The following CPQ variants were observed in gnomAD, a reference collection of about 807,000 sequenced individuals.
CPQ encodes carboxypeptidase Q, also known as Ser-Met dipeptidase.
Under a neutral mutation model 45.7 loss-of-function variants are expected in CPQ, and 37 were observed. The ratio of observed to expected loss-of-function variants is 0.81; its 90% CI spans 0.62 to 1.07. The LOEUF (loss-of-function observed/expected upper bound fraction) is 1.07. CPQ is among the 50% of genes least tolerant of loss of function. The pLI, the probability that CPQ is intolerant of heterozygous loss-of-function variation, is 0.00. For missense variants in CPQ, 537 were observed against 572.9 expected (o/e 0.94, Z 0.64); for synonymous variants, 186 against 205.8 (o/e 0.90, Z 0.82).
At chr8:96,964,611 A>G (rs1813524059) in intron 4 of CPQ, among the ~76,000 whole-genome samples, 1 of 151,954 alleles carries the variant, frequency 6.6e-6, no homozygotes, top group Non-Finnish European at 1.5e-5. Flanking sequence ...TAGCTTTCCT[A>G]GTTTAAAAAA....
In CPQ at chr8:96,926,390, C is replaced by G. The variant is rs529698773; in HGVS notation, c.850-39545C>G. Among the ~76,000 whole-genome samples the G allele has an allele frequency of 4.6e-5, 7 of 152,270 alleles. No individual in the cohort carries two copies. In the South Asian group the frequency reaches 1.5e-3, roughly 32 times the overall value. On this transcript the variant is annotated intron_variant, in intron 4 of 7. Transcript: ENST00000220763. ...GCTGGGAGTGAGGGAATCTTTCTAA[C>G]AAGTGTTTTAAATGTCTGAATAATC...
At chr8:97,004,748 G>T (rs1809349867) in intron 5 of CPQ, among the ~76,000 whole-genome samples, 1 of 152,090 alleles carries the variant, frequency 6.6e-6, no homozygotes, top group South Asian at 2.1e-4. Context: ...AAATAGCACA[G>T]ATAAATGTCT....
rs1052976435 is a variant in CPQ, at chr8:96,907,793, A to C, written c.849+27788A>C. ...AGGGTTCTCCTCCTGTATCCTGTAC[A>C]GGTCATGAGAAAAGACTTGTTGAGT... On this transcript the variant is annotated intron_variant, in intron 4 of 7. Coordinates refer to ENST00000220763, the MANE Select transcript of CPQ (RefSeq NM_016134.4). Among the ~76,000 whole-genome samples the C allele has an allele frequency of 7.6e-4, 115 of 152,200 alleles. 1 individual carries two copies. Among genetic ancestry groups the C allele is most frequent in the African/African-American group, 2.6e-3 (109 of 41,526 alleles).
chr8:97,008,045 T>A (rs747663402), intron 5 of CPQ, among the ~76,000 whole-genome samples: 1 of 152,128 alleles, frequency 6.6e-6, no homozygotes, highest in Non-Finnish European at 1.5e-5. Flanking sequence ...CCTTGAACAT[T>A]ATGTGTGCTG....
chr8:97,061,959 C>G (rs1810558550), intron 6 of CPQ, among the ~76,000 whole-genome samples: 1 of 152,142 alleles, frequency 6.6e-6, no homozygotes, highest in Non-Finnish European at 1.5e-5. Flanking sequence ...AGCCCACACT[C>G]TTGATCTCTC....
chr8:96,890,573 C>T (rs1195666504), intron 4 of CPQ, among the ~76,000 whole-genome samples: 1 of 152,196 alleles, frequency 6.6e-6, no homozygotes, highest in Non-Finnish European at 1.5e-5. Flanking sequence ...CATGCATACT[C>T]TTCCTTACCT....
chr8:96,953,868 A>T (rs1371310881), intron 4 of CPQ, among the ~76,000 whole-genome samples: 1 of 152,114 alleles, frequency 6.6e-6, no homozygotes, highest in Non-Finnish European at 1.5e-5. Flanking sequence ...ATCCCCACTG[A>T]ATTATCTTGT....
At chr8:96,999,377 C>T (rs1012457952) in intron 5 of CPQ, among the ~76,000 whole-genome samples, 1 of 151,740 alleles carries the variant, frequency 6.6e-6, no homozygotes, top group Non-Finnish European at 1.5e-5. Flanking sequence ...TTTCCTTGTC[C>T]TCTCCCTCTT....
At chr8:96,951,241 G>A (rs1353217554) in intron 4 of CPQ, among the ~76,000 whole-genome samples, 1 of 152,046 alleles carries the variant, frequency 6.6e-6, no homozygotes, top group African/African-American at 2.4e-5. Flanking sequence ...GTGATATCAG[G>A]AAATACTTTT....
At chr8:96,795,804 A>C (rs1457430727) in intron 2 of CPQ, among the ~76,000 whole-genome samples, 3 of 152,086 alleles carry the variant, frequency 2.0e-5, no homozygotes, top group Non-Finnish European at 4.4e-5. Context: ...TTATGTTTTT[A>C]ATAAATGACA....
At chr8:97,122,903 AAAATAAAATAAAATAAAATAAAAT>A (rs1563586698) in intron 7 of CPQ, among the ~76,000 whole-genome samples, 1 of 85,480 alleles carries the variant, frequency 1.2e-5, no homozygotes. Flanking sequence ...AAAATAAAAT[AAAATAAAATAAAATAAAATAAAAT>A]AAATAAAATA....
In CPQ at chr8:96,787,525, C is replaced by CTTTTTTTTTTTTT. The variant is rs71267281; in HGVS notation, c.433+2213_433+2225dup. Among the ~76,000 whole-genome samples, 302 of 47,568 alleles carry CTTTTTTTTTTTTT rather than the reference C, an allele frequency of 6.3e-3. 87 individuals carry two copies. The highest frequency in any genetic ancestry group is 0.017 in the East Asian group (15 of 894). The allele number at this position is 47,568 out of a possible 152,430, so 31.2% of individuals were successfully genotyped here. On this transcript the variant is annotated intron_variant, in intron 2 of 7. Transcript: ENST00000220763. ...TTGTAGTTTCATTTTCTTATAATGT[C>CTTTTTTTTTTTTT]TTTTTTTTTTTTTTTTTTTTTTTTT...
At chr8:97,110,881 C>T (rs550064810) in intron 7 of CPQ, among the ~76,000 whole-genome samples, 7 of 152,156 alleles carry the variant, frequency 4.6e-5, no homozygotes, top group Non-Finnish European at 8.8e-5. Flanking sequence ...TCAATATGAT[C>T]CGACTCACCC....
At chr8:96,943,706 C>T (rs570095798) in intron 4 of CPQ, among the ~76,000 whole-genome samples, 37 of 152,124 alleles carry the variant, frequency 2.4e-4, no homozygotes, top group South Asian at 4.2e-4. Context: ...TGAAGGGCAT[C>T]GTGGGGTCAT....
intron 2 of CPQ, among the ~76,000 whole-genome samples, chr8:96,832,514 A>G (rs1205789327): frequency 2.0e-5 from 3 of 152,100 alleles, no homozygotes; most frequent in Non-Finnish European, 4.4e-5. Context: ...CATGGACCCA[A>G]ATGGAGGAAA....
chr8:96,926,587 C>CTTCTTCTTA (rs1563530828), intron 4 of CPQ, among the ~76,000 whole-genome samples: 4 of 141,748 alleles, frequency 2.8e-5, no homozygotes, highest in Non-Finnish European at 6.0e-5. Context: ...TCTTCTTCTT[C>CTTCTTCTTA]TTCTTCTTCT....
chr8:97,078,523 C>T (rs1285856947), intron 7 of CPQ, among the ~76,000 whole-genome samples: 4 of 152,062 alleles, frequency 2.6e-5, no homozygotes, highest in Non-Finnish European at 5.9e-5. Flanking sequence ...TCTGCATTTT[C>T]TTTTTCCCCT....
At chr8:96,677,027 G>C (rs1809085109) in intron 1 of CPQ, among the ~76,000 whole-genome samples, 1 of 152,054 alleles carries the variant, frequency 6.6e-6, no homozygotes, top group African/African-American at 2.4e-5. Context: ...TGGCTGAGTA[G>C]TATTCCATGG....
At chr8:96,999,778 G>A (rs1809240342) in intron 5 of CPQ, among the ~76,000 whole-genome samples, 1 of 152,038 alleles carries the variant, frequency 6.6e-6, no homozygotes, top group Non-Finnish European at 1.5e-5. Context: ...TTGGTTGAAT[G>A]GCATTTCTGT....
Sources: allele counts gnomAD v4.1 joint callset (sites outside exome capture counted in the v4.1 genomes callset), GRCh38; gene constraint gnomAD v4.1.1; transcripts MANE v1.5; gene names NCBI Gene and HGNC (gene_info 2026-07-23, HGNC 2026-07-21).